Variants in WDR11 observed in about 807,000 individuals in gnomAD.
WDR11 encodes WD repeat domain 11.
A neutral mutation model predicts 151.2 loss-of-function variants in WDR11; 83 were observed. That is an observed-to-expected ratio of 0.55 (90% CI 0.46 to 0.66). The LOEUF is 0.66. Ranked by LOEUF, WDR11 falls within the 30% of genes least tolerant of loss-of-function variation. The pLI, the probability that WDR11 is intolerant of heterozygous loss-of-function variation, is 0.00. For synonymous variants in WDR11, 484 were observed against 533.1 expected (o/e 0.91, Z 1.27); for missense variants, 1,301 against 1,480.9 (o/e 0.88, Z 1.99).
In WDR11 at chr10:120,885,796, T is replaced by C; in HGVS notation, c.1849-18T>C. On this transcript the variant is annotated intron_variant, in intron 14 of 28. Coordinates refer to ENST00000263461, the MANE Select transcript of WDR11 (RefSeq NM_018117.12). ...AGGAAACCTAGCACTTCTAGGTTTG[T>C]CTGCATTTGCTTTACAGGAGTGGTC... 1 of 1,613,402 alleles carries C rather than the reference T, an allele frequency of 6.2e-7. No individual in the cohort carries two copies. Among genetic ancestry groups the C allele is most frequent in the Admixed American group, 1.7e-5 (1 of 60,004 alleles).
At chr10:120,895,705 A>C (rs925587044) in intron 19 of WDR11, among the ~76,000 whole-genome samples, 1 of 152,176 alleles carries the variant, frequency 6.6e-6, no homozygotes, top group African/African-American at 2.4e-5. Context: ...ATAATAAGAA[A>C]AATATTTGAC....
chr10:120,859,971 AC>A lies in WDR11; in HGVS notation c.353-137del, dbSNP rs1256319519. Reference sequence around the variant, plus strand: ...AATATTGATACACACACACACACACACACACACGTCACATTTGGGGCTGGTG... The same window carrying A: ...AATATTGATACACACACACACACACAACACACGTCACATTTGGGGCTGGTG... On this transcript the variant is annotated intron_variant, in intron 3 of 28. Coordinates refer to ENST00000263461, the MANE Select transcript of WDR11 (RefSeq NM_018117.12). 3.4e-6 allele frequency: 3 copies of A among 885,994 alleles called. No homozygotes were observed. The African/African-American group carries it at 5.0e-5, about 15-fold the overall frequency. 54.9% of individuals were successfully genotyped at this position (885,994 alleles called of 1,614,324 possible).
At position 120,903,081 on chromosome 10, in the gene WDR11, A is replaced by G. The variant is rs1847889277; in HGVS notation, c.2780A>G (p.His927Arg). The change falls in exon 23 of 29, where the codon CAC (histidine) becomes CGC (arginine). Residue 927 changes from histidine to arginine, a missense_variant. Coordinates refer to ENST00000263461, the MANE Select transcript of WDR11 (RefSeq NM_018117.12). ...SRLYGDESELHFWTVAAHYLH... is the reference protein window; with the variant it reads ...SRLYGDESELRFWTVAAHYLH... ...CTCTATGGTGATGAATCGGAGCTGCACTTCTGGACTGTCGCTGCCCACTAC... is the reference window on the plus strand; with the variant it reads ...CTCTATGGTGATGAATCGGAGCTGCGCTTCTGGACTGTCGCTGCCCACTAC... 6.2e-7 allele frequency: 1 copy of G among 1,614,004 alleles called. No individual in the cohort carries two copies. The highest frequency in any genetic ancestry group is 1.3e-5 in the African/African-American group (1 of 74,928).
intron 16 of WDR11, among the ~76,000 whole-genome samples, chr10:120,888,834 C>T (rs894491837): frequency 2.0e-5 from 3 of 151,936 alleles, no homozygotes; most frequent in African/African-American, 7.3e-5. Flanking sequence ...AAAAGACATC[C>T]CCTCTCTTTA....
chr10:120,883,023 C>T (rs1184682334), intron 13 of WDR11, among the ~76,000 whole-genome samples: 1 of 152,072 alleles, frequency 6.6e-6, no homozygotes, highest in Non-Finnish European at 1.5e-5. Context: ...TTTTAATTCA[C>T]ATTATAATCT....
In WDR11 at chr10:120,878,350, T is replaced by C. The variant is rs1564706177; in HGVS notation, c.1557-3T>C. The C allele has an allele frequency of 6.3e-7, 1 of 1,591,898 alleles. No homozygotes were observed. The highest frequency in any genetic ancestry group is 8.6e-7 in the Non-Finnish European group (1 of 1,160,398). On this transcript the variant is annotated splice_polypyrimidine_tract_variant and splice_region_variant and intron_variant, in intron 11 of 28. Coordinates refer to ENST00000263461, the MANE Select transcript of WDR11 (RefSeq NM_018117.12). ...TTAACCTTTATCTCATTTCCTATTA[T>C]AGGGGTATTGAATGGACAAGTTTGA...
intron 13 of WDR11, among the ~76,000 whole-genome samples, chr10:120,881,470 A>G (rs905585175): frequency 1.3e-5 from 2 of 149,828 alleles, no homozygotes; most frequent in Admixed American, 6.8e-5. Flanking sequence ...GAACCCATCA[A>G]TCAGTGAGGG....
intron 5 of WDR11, among the ~76,000 whole-genome samples, chr10:120,864,381 A>G (rs973064008): frequency 6.6e-6 from 1 of 152,234 alleles, no homozygotes; most frequent in Non-Finnish European, 1.5e-5. Flanking sequence ...CTATTGAAAT[A>G]TATTTAATAT....
intron 20 of WDR11, 23 bp downstream of exon 20, chr10:120,900,160 T>G (rs1847761311): frequency 6.3e-7 from 1 of 1,589,314 alleles, no homozygotes; most frequent in Admixed American, 1.7e-5. Context: ...CTTTTCTTTT[T>G]CTTTCATAAT....
chr10:120,906,987 T>C, intron 28 of WDR11, 132 bp downstream of exon 28: 1 of 1,386,988 alleles, frequency 7.2e-7, no homozygotes, highest in Non-Finnish European at 1.0e-6. Context: ...GATTTTCTGA[T>C]TCACCAAAGC....
chr10:120,895,251 TACCA>T (rs1318650725), intron 19 of WDR11, among the ~76,000 whole-genome samples: 1 of 152,196 alleles, frequency 6.6e-6, no homozygotes, highest in Admixed American at 6.5e-5. Flanking sequence ...TGTGATATAA[TACCA>T]ACAACTATCT....
In WDR11 at chr10:120,874,190, T is replaced by TTTTGTTG. The variant is rs796119460; in HGVS notation, c.1556+269_1556+270insTGTTGTT. Among the ~76,000 whole-genome samples, 6 of 105,104 alleles carry TTTTGTTG rather than the reference T, an allele frequency of 5.7e-5. No homozygotes were observed. The East Asian group carries it at 8.5e-4, about 15-fold the overall frequency. The allele number at this position is 105,104 out of a possible 152,430, so 69.0% of individuals were successfully genotyped here. A position where few individuals can be genotyped will look rare whatever the true frequency, so the allele number is the denominator to read the frequency against. On this transcript the variant is annotated intron_variant, in intron 11 of 28. Transcript: ENST00000263461. ...CGGTTTTTGCAGTTTTTTTTTTTTT[T>TTTTGTTG]TTGTTGTTGTTGTTGTTGTTTGTTT...
rs542738408 is a variant in WDR11 at position 120,877,799 on chromosome 10, G to A, written c.1557-554G>A. On this transcript the variant is annotated intron_variant, in intron 11 of 28. Transcript: ENST00000263461. ...AAAATCATAATCTAAAGCACTTGAA[G>A]GTTGTATATACTGTGCCGGGGACTC... Among the ~76,000 whole-genome samples, 488 of 152,288 alleles carry A rather than the reference G, an allele frequency of 3.2e-3. 2 individuals are homozygous for A. Among genetic ancestry groups the A allele is most frequent in the African/African-American group, 0.011 (463 of 41,564 alleles).
At chr10:120,857,499 C>G (rs1845989636) in intron 2 of WDR11, among the ~76,000 whole-genome samples, 1 of 151,726 alleles carries the variant, frequency 6.6e-6, no homozygotes, top group Non-Finnish European at 1.5e-5. Context: ...TGAACTTAAA[C>G]ATATACACAT....
chr10:120,887,664 T>C (rs1432384049), intron 16 of WDR11, among the ~76,000 whole-genome samples: 1 of 152,166 alleles, frequency 6.6e-6, no homozygotes, highest in Non-Finnish European at 1.5e-5. Context: ...CACAGGCTAT[T>C]GCACATTAAT....
At chr10:120,851,622 G>A (rs1845775917) in intron 1 of WDR11, 116 bp downstream of exon 1, 8 of 1,267,662 alleles carry the variant, frequency 6.3e-6, no homozygotes, top group Non-Finnish European at 8.9e-6. Flanking sequence ...GCAGGGAGCC[G>A]CCCTCACGCA....
chr10:120,902,990 A>G, intron 22 of WDR11, 65 bp from the exon 23 acceptor site: 16 of 1,534,056 alleles, frequency 1.0e-5, no homozygotes, highest in Non-Finnish European at 1.4e-5. Flanking sequence ...CCCTCAGTCT[A>G]CTCTAGGAAG....
chr10:120,900,231 G>T (rs1386604084), intron 20 of WDR11, 94 bp downstream of exon 20: 2 of 1,089,118 alleles, frequency 1.8e-6, no homozygotes, highest in Non-Finnish European at 2.8e-6. Flanking sequence ...AGCATTTAAA[G>T]GGAATGGAGC....
At chr10:120,871,049 T>C in intron 9 of WDR11, 121 bp from the exon 10 acceptor site, 1 of 1,010,696 alleles carries the variant, frequency 9.9e-7, no homozygotes, top group Non-Finnish European at 1.5e-6. Context: ...GCCACTAAAG[T>C]ACTACATTAA....
Sources: allele counts gnomAD v4.1 joint callset (sites outside exome capture counted in the v4.1 genomes callset), GRCh38; gene constraint gnomAD v4.1.1; transcripts MANE v1.5; gene names NCBI Gene and HGNC (gene_info 2026-07-23, HGNC 2026-07-21).